Variants in TBC1D22A observed in about 807,000 individuals in gnomAD.
TBC1D22A encodes putative GTPase activator.
In TBC1D22A, 38 loss-of-function variants were observed where a neutral mutation model predicts 60.2. The ratio of observed to expected loss-of-function variants is 0.63; its 90% CI spans 0.49 to 0.83. The LOEUF (loss-of-function observed/expected upper bound fraction) is 0.83. TBC1D22A is among the 40% of genes least tolerant of loss of function. TBC1D22A has a pLI of 0.00. For synonymous variants in TBC1D22A, 302 were observed against 281.7 expected (o/e 1.07, Z -0.72); for missense variants, 628 against 701.0 (o/e 0.90, Z 1.18).
chr22:46,792,979 T>C (rs995249053), intron 2 of TBC1D22A, among the ~76,000 whole-genome samples: 2 of 152,182 alleles, frequency 1.3e-5, no homozygotes, highest in Non-Finnish European at 2.9e-5. Context: ...GAGCGCAGAG[T>C]GTGGGGCTTG....
At chr22:47,125,844 T>C (rs886881658) in intron 12 of TBC1D22A, among the ~76,000 whole-genome samples, 4 of 152,204 alleles carry the variant, frequency 2.6e-5, no homozygotes, top group Admixed American at 2.6e-4. Context: ...CTGGGGCTCC[T>C]GGAGCAGCCA....
chr22:46,920,774 T>G (rs1346417233), intron 8 of TBC1D22A, among the ~76,000 whole-genome samples: 2 of 89,358 alleles, frequency 2.2e-5, no homozygotes, highest in African/African-American at 1.1e-4. Flanking sequence ...ATTATGTTAT[T>G]TATTCATTTT....
At chr22:46,920,535 C>CT (rs2070691759) in intron 8 of TBC1D22A, among the ~76,000 whole-genome samples, 1 of 152,088 alleles carries the variant, frequency 6.6e-6, no homozygotes, top group Non-Finnish European at 1.5e-5. Context: ...GATGTGTGCT[C>CT]TGTTTTCTTT....
chr22:47,043,703 T>C (rs1437902224), intron 11 of TBC1D22A, among the ~76,000 whole-genome samples: 1 of 151,148 alleles, frequency 6.6e-6, no homozygotes, highest in Non-Finnish European at 1.5e-5. Context: ...GCAAAGAGGG[T>C]CCTCCCATAG....
At chr22:46,782,746 T>C (rs140275713) in intron 1 of TBC1D22A, among the ~76,000 whole-genome samples, 71 of 152,326 alleles carry the variant, frequency 4.7e-4, no homozygotes, top group African/African-American at 1.7e-3. Context: ...ATGCGGCCTT[T>C]TGCGTCTCTC....
At chr22:47,044,472 T>C (rs917828913) in intron 11 of TBC1D22A, among the ~76,000 whole-genome samples, 5 of 152,222 alleles carry the variant, frequency 3.3e-5, no homozygotes, top group Admixed American at 6.5e-5. Context: ...GCGACAGCCC[T>C]TGGGGCTCTC....
At chr22:47,156,654 C>A (rs2067730525) in intron 12 of TBC1D22A, among the ~76,000 whole-genome samples, 1 of 152,174 alleles carries the variant, frequency 6.6e-6, no homozygotes, top group Non-Finnish European at 1.5e-5. Context: ...TCCCTGCACC[C>A]TTCTCCTGTC....
intron 5 of TBC1D22A, among the ~76,000 whole-genome samples, chr22:46,888,285 AGGGTT>A (rs1405293254): frequency 6.6e-6 from 1 of 152,178 alleles, no homozygotes; most frequent in Non-Finnish European, 1.5e-5. Context: ...CCGGACCACA[AGGGTT>A]GGGCAGAGGG....
intron 4 of TBC1D22A, among the ~76,000 whole-genome samples, chr22:46,823,813 G>A (rs62233851): frequency 0.015 from 2,242 of 152,322 alleles, 25 homozygotes; most frequent in Non-Finnish European, 0.022. Flanking sequence ...GCCACATGCC[G>A]TCACAGGAGC....
chr22:47,146,358 G>A (rs977445696), intron 12 of TBC1D22A, among the ~76,000 whole-genome samples: 2 of 152,194 alleles, frequency 1.3e-5, no homozygotes, highest in African/African-American at 4.8e-5. Flanking sequence ...CTGCCATCAG[G>A]TTGAAGCCTT....
intron 12 of TBC1D22A, among the ~76,000 whole-genome samples, chr22:47,124,013 G>T (rs738663): frequency 2.6e-5 from 4 of 152,134 alleles, no homozygotes; most frequent in African/African-American, 9.6e-5. Context: ...ACAGGAAAGA[G>T]GACACCATTG....
At chr22:47,125,141 C>A (rs2066409545) in intron 12 of TBC1D22A, among the ~76,000 whole-genome samples, 1 of 152,148 alleles carries the variant, frequency 6.6e-6, no homozygotes, top group African/African-American at 2.4e-5. Flanking sequence ...GGGGCGACAT[C>A]TCTGCCCCAT....
At chr22:46,825,906 G>C (rs1156296030) in intron 4 of TBC1D22A, among the ~76,000 whole-genome samples, 4 of 140,564 alleles carry the variant, frequency 2.8e-5, no homozygotes, top group African/African-American at 1.1e-4. Flanking sequence ...TTTTTGAAAC[G>C]GAGTCTTGCT....
chr22:46,798,475 A>G (rs2084754301), intron 4 of TBC1D22A, among the ~76,000 whole-genome samples: 1 of 152,246 alleles, frequency 6.6e-6, no homozygotes, highest in Non-Finnish European at 1.5e-5. Flanking sequence ...TTCCTGCGCG[A>G]GTTGCTTCCA....
chr22:46,892,773 G>T (rs12159270), intron 6 of TBC1D22A, among the ~76,000 whole-genome samples: 2,102 of 152,272 alleles, frequency 0.014, 64 homozygotes, highest in African/African-American at 0.048. Flanking sequence ...TATGAGTGTT[G>T]GAAGAGAAAG....
At chr22:47,037,433 C>A (rs983551912) in intron 11 of TBC1D22A, among the ~76,000 whole-genome samples, 2 of 152,076 alleles carry the variant, frequency 1.3e-5, no homozygotes, top group Admixed American at 6.5e-5. Context: ...AGTTCGAGAC[C>A]AATCATGGGC....
intron 3 of TBC1D22A, 28 bp downstream of exon 3, chr22:46,793,869 C>T: frequency 6.6e-7 from 1 of 1,505,476 alleles, no homozygotes; most frequent in South Asian, 1.3e-5. Flanking sequence ...AAGAGATGGT[C>T]TGGGTTTCTG....
At chr22:46,773,912 T>G in intron 1 of TBC1D22A, 1 of 985,206 alleles carries the variant, frequency 1.0e-6, no homozygotes, top group African/African-American at 1.7e-5. Flanking sequence ...GTGGCAAAGC[T>G]GGGGTTTGAA....
chr22:46,779,214 G>C (rs2083833017), intron 1 of TBC1D22A, among the ~76,000 whole-genome samples: 1 of 152,174 alleles, frequency 6.6e-6, no homozygotes, highest in Admixed American at 6.5e-5. Context: ...CGCAAACACA[G>C]GAGTATGCTT....
Sources: allele counts gnomAD v4.1 joint callset (sites outside exome capture counted in the v4.1 genomes callset), GRCh38; gene constraint gnomAD v4.1.1; transcripts MANE v1.5; gene names NCBI Gene and HGNC (gene_info 2026-07-23, HGNC 2026-07-21).